Variants in ULK2 observed in about 807,000 individuals in gnomAD.
ULK2 encodes the protein unc-51 like autophagy activating kinase 2, also known as serine/threonine-protein kinase ULK2.
Under a neutral mutation model 127.5 loss-of-function variants are expected in ULK2, and 76 were observed. The ratio of observed to expected loss-of-function variants is 0.60; its 90% CI spans 0.50 to 0.72. The LOEUF (loss-of-function observed/expected upper bound fraction) is 0.72, where lower values mean the gene tolerates loss of function less well. Ranked by LOEUF, ULK2 falls within the 30% of genes least tolerant of loss-of-function variation. The pLI, the probability that ULK2 is intolerant of heterozygous loss-of-function variation, is 0.00. For missense variants in ULK2, 1,144 were observed against 1,295.9 expected, an observed-to-expected ratio of 0.88 and a Z score of 1.80; for synonymous variants, 452 against 461.9, an observed-to-expected ratio of 0.98 and a Z score of 0.28.
chr17:19,789,373 T>C (rs1395296409), intron 20 of ULK2, among the ~76,000 whole-genome samples: 1 of 152,256 alleles, frequency 6.6e-6, no homozygotes, highest in African/African-American at 2.4e-5. Flanking sequence ...TACAGCATTA[T>C]TGGGCTTGGA....
At chr17:19,841,233 T>C (rs981853464) in intron 9 of ULK2, among the ~76,000 whole-genome samples, 1 of 152,166 alleles carries the variant, frequency 6.6e-6, no homozygotes, top group Non-Finnish European at 1.5e-5. Flanking sequence ...TCTGTCCACA[T>C]TACCCTCCCC....
chr17:19,820,779 C>T (rs1327551810), intron 12 of ULK2, among the ~76,000 whole-genome samples: 2 of 152,134 alleles, frequency 1.3e-5, no homozygotes, highest in Admixed American at 1.3e-4. Flanking sequence ...TCAGCTCAAA[C>T]AATCCCCTCT....
chr17:19,821,390 T>C (rs1422275390), intron 12 of ULK2, among the ~76,000 whole-genome samples: 4 of 147,614 alleles, frequency 2.7e-5, no homozygotes, highest in Non-Finnish European at 5.9e-5. Flanking sequence ...ATTAAAAGAG[T>C]GATTTGGAGT....
intron 20 of ULK2, among the ~76,000 whole-genome samples, chr17:19,792,711 G>A (rs2152384422): frequency 6.6e-6 from 1 of 151,846 alleles, no homozygotes; most frequent in Middle Eastern, 3.4e-3. Flanking sequence ...GACAGAGCGA[G>A]ACTCCGTCTC....
chr17:19,817,004 TTC>T, intron 12 of ULK2, 84 bp from the exon 13 acceptor site: 2 of 1,334,000 alleles, frequency 1.5e-6, no homozygotes, highest in Non-Finnish European at 2.0e-6. Context: ...ATTTTTTTTT[TTC>T]CCCCACAAAA....
Position 19,799,477 on chromosome 17 carries a change from C to A in ULK2, c.1522+18G>T. The A allele has an allele frequency of 1.3e-6, 2 of 1,527,384 alleles. No homozygotes were observed. Among genetic ancestry groups the A allele is most frequent in the Non-Finnish European group, 1.7e-6 (2 of 1,143,502 alleles). The allele number at this position is 1,527,384 out of a possible 1,614,324, so 94.6% of individuals were successfully genotyped here. A position where few individuals can be genotyped will look rare whatever the true frequency, so the allele number is the denominator to read the frequency against. On this transcript the variant is annotated intron_variant, in intron 17 of 26. Coordinates refer to ENST00000395544, the MANE Select transcript of ULK2 (RefSeq NM_014683.4). ...TAATACAATTCAAATTATTAATAAACCAAATACATTATCCTACCTGAGGAG... is the reference window on the plus strand; with the variant it reads ...TAATACAATTCAAATTATTAATAAAACAAATACATTATCCTACCTGAGGAG...
chr17:19,865,942 G>A (rs1390364623), intron 1 of ULK2, 114 bp from the exon 2 acceptor site: 3 of 609,888 alleles, frequency 4.9e-6, no homozygotes, highest in South Asian at 2.0e-5. Flanking sequence ...GGGGAAAAAT[G>A]GAATTATTTT....
At chr17:19,829,872 T>C (rs915116858) in intron 10 of ULK2, among the ~76,000 whole-genome samples, 1 of 144,422 alleles carries the variant, frequency 6.9e-6, no homozygotes, top group Admixed American at 6.9e-5. Flanking sequence ...TAAATAATGA[T>C]AGAAGGGTCA....
At chr17:19,780,946 A>C in intron 24 of ULK2, 40 bp downstream of exon 24, 3 of 1,577,490 alleles carry the variant, frequency 1.9e-6, no homozygotes, top group Non-Finnish European at 2.6e-6. Flanking sequence ...GAGCAACTTA[A>C]GGACTGACCC....
Position 19,795,670 on chromosome 17 carries a change from G to A in ULK2, c.2053C>T (p.His685Tyr). The change falls in exon 20 of 27, where the codon CAT (histidine) becomes TAT (tyrosine). Residue 685 changes from histidine to tyrosine, a missense_variant. Coordinates refer to ENST00000395544, the MANE Select transcript of ULK2 (RefSeq NM_014683.4). ...TTTAAACTGTCTGTGCTGCCCTGAT[G>A]TCGACATATAGGAGTCTTTCCTTGT... Reference protein sequence around the residue: ...DQQGKTPICRHQGSTDSLNTE... With the variant: ...DQQGKTPICRYQGSTDSLNTE... The A allele has an allele frequency of 6.2e-7, 1 of 1,614,088 alleles. No individual in the cohort carries two copies. Among genetic ancestry groups the A allele is most frequent in the Non-Finnish European group, 8.5e-7 (1 of 1,180,002 alleles).
At chr17:19,780,923 G>A (rs370583996) in intron 24 of ULK2, 63 bp downstream of exon 24, 19 of 1,432,988 alleles carry the variant, frequency 1.3e-5, no homozygotes, top group Non-Finnish European at 1.7e-5. Context: ...CTCTCTCACA[G>A]TGTGATGGGA....
intron 11 of ULK2, among the ~76,000 whole-genome samples, chr17:19,825,938 A>T (rs1366671481): frequency 6.7e-6 from 1 of 150,234 alleles, no homozygotes; most frequent in Non-Finnish European, 1.5e-5. Flanking sequence ...GTGAGCCGAG[A>T]TCACGCCACT....
intron 15 of ULK2, among the ~76,000 whole-genome samples, chr17:19,804,468 TATAAA>T (rs2087469307): frequency 6.6e-6 from 1 of 151,722 alleles, no homozygotes; most frequent in Non-Finnish European, 1.5e-5. Context: ...ACTTAACATA[TATAAA>T]ATATATACAA....
chr17:19,826,184 C>A lies in ULK2; in HGVS notation c.790G>T (p.Ala264Ser), dbSNP rs2041292362. ...RNQKDRMDFE[A>S]FFSHPFLEQG... Reference sequence around the variant, plus strand: ...TCAAGAAAAGGATGGCTAAAAAATGCTTCTGTAACAAGAAATGAGAATGCA... The same window carrying A: ...TCAAGAAAAGGATGGCTAAAAAATGATTCTGTAACAAGAAATGAGAATGCA... Residue 264 changes from alanine to serine, a missense_variant and splice_region_variant, in exon 11 of 27, where the codon GCA (alanine) becomes TCA (serine). By Grantham distance (99) the Ala-to-Ser change is moderately conservative. Around this residue, in one of 2 missense-constraint regions of ULK2, gnomAD observed 913 missense variants for 970.5 expected, o/e 0.94. Transcript: ENST00000395544. The A allele has an allele frequency of 6.9e-7, 1 of 1,452,718 alleles. No individual in the cohort carries two copies. The highest frequency in any genetic ancestry group is 9.2e-7 in the Non-Finnish European group (1 of 1,088,706). The allele number at this position is 1,452,718 out of a possible 1,614,324, so 90.0% of individuals were successfully genotyped here. A position where few individuals can be genotyped will look rare whatever the true frequency, so the allele number is the denominator to read the frequency against.
chr17:19,777,560 C>A (rs376380969), intron 26 of ULK2, 21 bp downstream of exon 26: 1 of 1,588,340 alleles, frequency 6.3e-7, no homozygotes, highest in African/African-American at 1.4e-5. Flanking sequence ...AAAAAATACA[C>A]TACTTTGTAA....
chr17:19,792,479 C>A (rs956636231), intron 20 of ULK2, among the ~76,000 whole-genome samples: 4 of 152,206 alleles, frequency 2.6e-5, no homozygotes, highest in African/African-American at 9.7e-5. Flanking sequence ...AGATCAAGTG[C>A]CTTGAACTTG....
chr17:19,843,660 C>CTT (rs1186486092), intron 7 of ULK2, among the ~76,000 whole-genome samples: 2,447 of 135,252 alleles, frequency 0.018, 59 homozygotes, highest in African/African-American at 0.055. Flanking sequence ...AATATTTTTT[C>CTT]TTTTTTTTTT....
In ULK2 at chr17:19,777,636, C is replaced by T; in HGVS notation, c.2997G>A (p.Leu999=). Residue 999 remains leucine (L), a synonymous_variant, in exon 26 of 27, where the codon TTG becomes TTA. Transcript: ENST00000395544. The part of the protein sequence containing the change: ...VYRYHKAALL[L]EGLSRILQDP... ...CCTGTAGAATCCTACTTAGGCCTTC[C>T]AAAAGAAGGGCTGCCTTATGATAGC... The T allele has an allele frequency of 6.2e-7, 1 of 1,614,034 alleles. No individual in the cohort carries two copies. Among genetic ancestry groups the T allele is most frequent in the South Asian group, 1.1e-5 (1 of 91,072 alleles).
rs553850956 is a variant in ULK2 at position 19,774,679 on chromosome 17, C to A, written c.*1670G>T. The A allele has an allele frequency of 4.5e-4, 69 of 152,374 alleles. No homozygotes were observed. Among genetic ancestry groups the A allele is most frequent in the African/African-American group, 1.7e-3 (69 of 41,576 alleles). 9.4% of individuals were successfully genotyped at this position (152,374 alleles called of 1,614,324 possible). A position where few individuals can be genotyped will look rare whatever the true frequency, so the allele number is the denominator to read the frequency against. On this transcript the variant is annotated 3_prime_UTR_variant, in exon 27 of 27. Coordinates refer to ENST00000395544, the MANE Select transcript of ULK2 (RefSeq NM_014683.4). Reference sequence around the variant, plus strand: ...GGACAAAGGATATTCATGGCCAAGTCTCTAAACTCACTAAGGAAGTACCTG... The same window carrying A: ...GGACAAAGGATATTCATGGCCAAGTATCTAAACTCACTAAGGAAGTACCTG...
Sources: gnomAD v4.1 joint callset for allele counts (sites outside exome capture counted in the v4.1 genomes callset) on GRCh38, gnomAD v4.1.1 for gene constraint, gnomAD v4.1.1 regional missense constraint, MANE v1.5 for transcripts, NCBI Gene and HGNC (gene_info 2026-07-23, HGNC 2026-07-21) for gene names.